Variants in TMEM135 observed in about 807,000 individuals in gnomAD.
The protein encoded by TMEM135 is transmembrane protein 135.
In TMEM135, 30 loss-of-function variants were observed where a neutral mutation model predicts 60.3. The observed-to-expected ratio is 0.50, with a 90% CI of 0.37 to 0.68. TMEM135 has a LOEUF of 0.68. Among genes scored for constraint, TMEM135 ranks in the 30% least tolerant of loss-of-function variants. The pLI is 0.00. For synonymous variants in TMEM135, 190 were observed against 186.7 expected (o/e 1.02, Z -0.14); for missense variants, 468 against 548.8 (o/e 0.85, Z 1.47).
At chr11:87,231,097 A>G in intron 5 of TMEM135, among the ~76,000 whole-genome samples, 1 of 152,160 alleles carries the variant, frequency 6.6e-6, no homozygotes, top group Non-Finnish European at 1.5e-5. Context: ...GTCTAGAGAG[A>G]ATTTCCAGGC....
At chr11:87,298,081 G>A (rs1199322716) in intron 7 of TMEM135, among the ~76,000 whole-genome samples, 1 of 152,178 alleles carries the variant, frequency 6.6e-6, no homozygotes, top group African/African-American at 2.4e-5. Context: ...TATCTGACAT[G>A]TCTTTCCTGC....
At chr11:87,188,918 T>C (rs1162273373) in intron 5 of TMEM135, among the ~76,000 whole-genome samples, 1 of 152,162 alleles carries the variant, frequency 6.6e-6, no homozygotes, top group Non-Finnish European at 1.5e-5. Context: ...GAACATTTGG[T>C]ACATGTGCCA....
intron 6 of TMEM135, among the ~76,000 whole-genome samples, chr11:87,280,186 A>G (rs1410201929): frequency 6.6e-6 from 1 of 152,232 alleles, no homozygotes; most frequent in Non-Finnish European, 1.5e-5. Context: ...GTTGCTTTCA[A>G]AAATTCAGCG....
intron 5 of TMEM135, among the ~76,000 whole-genome samples, chr11:87,204,704 C>T (rs1940196688): frequency 6.6e-6 from 1 of 152,048 alleles, no homozygotes. Context: ...GGAAGTGGAT[C>T]ATCATAAAGA....
chr11:87,318,310 C>CA, intron 13 of TMEM135, 75 bp downstream of exon 13: 1 of 1,052,470 alleles, frequency 9.5e-7, no homozygotes, highest in South Asian at 1.3e-5. Context: ...GGGAGAGAAA[C>CA]AAACTCTGGG....
intron 6 of TMEM135, among the ~76,000 whole-genome samples, chr11:87,256,959 T>A: frequency 6.6e-6 from 1 of 152,094 alleles, no homozygotes; most frequent in East Asian, 1.9e-4. Context: ...TATATGTCTT[T>A]CAGCTTCTCA....
chr11:87,160,553 T>A (rs1351087296), intron 5 of TMEM135, among the ~76,000 whole-genome samples: 1 of 152,204 alleles, frequency 6.6e-6, no homozygotes, highest in Non-Finnish European at 1.5e-5. Context: ...CTATGCAATA[T>A]AATTGCCCTG....
chr11:87,104,320 T>C (rs1398702091), intron 4 of TMEM135, among the ~76,000 whole-genome samples: 2 of 152,226 alleles, frequency 1.3e-5, no homozygotes. Flanking sequence ...AGTACAATGC[T>C]GTTTTGATTA....
rs1034029101 is a variant in TMEM135 at position 87,318,289 on chromosome 11, G to A, written c.1176+54G>A. 1.9e-5 allele frequency: 24 copies of A among 1,237,110 alleles called. No homozygotes were observed. The East Asian group carries it at 2.1e-4, about 11-fold the overall frequency. 76.6% of individuals were successfully genotyped at this position (1,237,110 alleles called of 1,614,324 possible). On this transcript the variant is annotated intron_variant, in intron 13 of 14. Transcript: ENST00000305494. The stretch of plus-strand genomic sequence containing the variant: ...TGAATGATTCCTGTTTCTAATGTAC[G>A]TTAATCAAATGGGAGAGAAACAAAC...
intron 6 of TMEM135, among the ~76,000 whole-genome samples, chr11:87,254,390 A>G (rs530679519): frequency 1.3e-5 from 2 of 152,280 alleles, no homozygotes; most frequent in African/African-American, 4.8e-5. Flanking sequence ...GCCATATATA[A>G]CAGACCCCTC....
chr11:87,178,930 G>A (rs1178795314), intron 5 of TMEM135, among the ~76,000 whole-genome samples: 1 of 151,810 alleles, frequency 6.6e-6, no homozygotes, highest in Non-Finnish European at 1.5e-5. Flanking sequence ...ATACCTAAAT[G>A]TAGAATTGTT....
At position 87,328,571 on chromosome 11, in the gene TMEM135, A is replaced by T. The variant is rs1230894554; in HGVS notation, c.*7238A>T. 2.2e-6 allele frequency: 1 copy of T among 454,070 alleles called. No individual in the cohort carries two copies. The highest frequency in any genetic ancestry group is 4.4e-6 in the Non-Finnish European group (1 of 226,792). The allele number at this position is 454,070 out of a possible 1,614,324, so 28.1% of individuals were successfully genotyped here. On this transcript the variant is annotated 3_prime_UTR_variant, in exon 15 of 15. Transcript: ENST00000305494. ...CTTGTGTATCCATAGCTTAGCTCCC[A>T]CTTACAGTTGAGAACATACAGAATT...
chr11:87,076,124 G>T (rs1393488560), intron 3 of TMEM135, among the ~76,000 whole-genome samples: 1 of 152,200 alleles, frequency 6.6e-6, no homozygotes, highest in East Asian at 1.9e-4. Context: ...CCTTCCCTCT[G>T]GGTGACAAGT....
At chr11:87,144,826 AAATTCAC>A (rs1464735866) in intron 4 of TMEM135, among the ~76,000 whole-genome samples, 2 of 151,802 alleles carry the variant, frequency 1.3e-5, no homozygotes, top group East Asian at 3.9e-4. Context: ...TTTTTATTAT[AAATTCAC>A]AATTCATAAT....
At chr11:87,112,513 G>A (rs1008747317) in intron 4 of TMEM135, among the ~76,000 whole-genome samples, 13 of 151,988 alleles carry the variant, frequency 8.6e-5, no homozygotes, top group African/African-American at 2.9e-4. Context: ...AAACAGAAGC[G>A]AAGAACGGTG....
chr11:87,268,691 A>T (rs574215471), intron 6 of TMEM135, among the ~76,000 whole-genome samples: 2 of 152,118 alleles, frequency 1.3e-5, no homozygotes, highest in East Asian at 3.9e-4. Flanking sequence ...TTTTGGCTGC[A>T]CAATTAGTAA....
intron 3 of TMEM135, among the ~76,000 whole-genome samples, chr11:87,079,055 G>C (rs1479785002): frequency 6.6e-6 from 1 of 151,524 alleles, no homozygotes; most frequent in Non-Finnish European, 1.5e-5. Flanking sequence ...ACACTCACTG[G>C]AGTGCAGTGG....
intron 1 of TMEM135, among the ~76,000 whole-genome samples, chr11:87,064,109 G>T (rs557179457): frequency 6.6e-6 from 1 of 152,268 alleles, no homozygotes; most frequent in South Asian, 2.1e-4. Context: ...TCCTAAAGCT[G>T]TGTGAGAATT....
intron 6 of TMEM135, 115 bp downstream of exon 6, chr11:87,236,799 C>A (rs1221982213): frequency 4.3e-6 from 4 of 933,830 alleles, no homozygotes; most frequent in African/African-American, 1.6e-5. Context: ...GCAGCATACT[C>A]CCCCCGCACC....
Sources: allele counts gnomAD v4.1 joint callset (sites outside exome capture counted in the v4.1 genomes callset), GRCh38; gene constraint gnomAD v4.1.1; transcripts MANE v1.5; gene names NCBI Gene and HGNC (gene_info 2026-07-23, HGNC 2026-07-21).